The following CUL3 variants were observed in gnomAD, a reference collection of about 807,000 sequenced individuals.
The protein encoded by CUL3 is cullin-3.
CUL3 carries 19 observed loss-of-function variants against 89.1 expected under a neutral mutation model. That is an observed-to-expected ratio of 0.21 (90% CI 0.15 to 0.31). The LOEUF (loss-of-function observed/expected upper bound fraction) is 0.31. CUL3 is among the 10% of genes least tolerant of loss of function. The probability of loss-of-function intolerance (pLI) is 1.00; values close to 1 mark genes in which losing one functional copy is unlikely to be tolerated. For missense variants in CUL3, 469 were observed against 942.3 expected (o/e 0.50, Z 6.58); for synonymous variants, 351 against 308.4 (o/e 1.14, Z -1.45).
At chr2:224,547,523 G>GT (rs906363555) in intron 2 of CUL3, among the ~76,000 whole-genome samples, 1 of 152,008 alleles carries the variant, frequency 6.6e-6, no homozygotes, top group Non-Finnish European at 1.5e-5. Context: ...CTCAGGCAAA[G>GT]TAACTCCCCC....
chr2:224,481,535 C>T (rs112821960), intron 14 of CUL3, among the ~76,000 whole-genome samples: 2 of 152,054 alleles, frequency 1.3e-5, no homozygotes, highest in African/African-American at 4.8e-5. Context: ...TATAGGTCTC[C>T]CAATTCTGAA....
intron 13 of CUL3, among the ~76,000 whole-genome samples, chr2:224,492,220 T>C (rs1294026916): frequency 1.3e-5 from 2 of 152,200 alleles, no homozygotes; most frequent in Non-Finnish European, 2.9e-5. Context: ...GCTAATTGTG[T>C]TATTCAAATT....
chr2:224,496,790 T>C (rs1692185516), intron 12 of CUL3, among the ~76,000 whole-genome samples: 1 of 152,160 alleles, frequency 6.6e-6, no homozygotes. Context: ...TTTCTAATTC[T>C]TCAATAATTA....
At chr2:224,523,555 C>T (rs1199539234) in intron 3 of CUL3, among the ~76,000 whole-genome samples, 1 of 152,156 alleles carries the variant, frequency 6.6e-6, no homozygotes, top group Non-Finnish European at 1.5e-5. Flanking sequence ...TCCACTAATT[C>T]CACTTCTGGG....
At chr2:224,576,873 T>C (rs757847572) in intron 1 of CUL3, among the ~76,000 whole-genome samples, 2 of 152,248 alleles carry the variant, frequency 1.3e-5, no homozygotes, top group East Asian at 1.9e-4. Flanking sequence ...GAATCATATA[T>C]GAACTTCTGT....
At chr2:224,497,936 TTG>T (rs113318501) in intron 11 of CUL3, 87 bp from the exon 12 acceptor site, 13,955 of 877,022 alleles carry the variant, frequency 0.016, no homozygotes, top group South Asian at 0.022. Flanking sequence ...CCTTAAACAT[TTG>T]TGTGTGTGTG....
At chr2:224,583,197 G>C (rs902892306) in intron 1 of CUL3, among the ~76,000 whole-genome samples, 10 of 152,100 alleles carry the variant, frequency 6.6e-5, no homozygotes, top group African/African-American at 1.9e-4. Flanking sequence ...GACCAACATG[G>C]AGAAACCTCG....
intron 8 of CUL3, among the ~76,000 whole-genome samples, chr2:224,505,294 T>C (rs1489684352): frequency 3.3e-5 from 5 of 152,036 alleles, no homozygotes; most frequent in African/African-American, 1.2e-4. Flanking sequence ...TCCACCACCA[T>C]GCCCAGCTAA....
At position 224,507,424 on chromosome 2, in the gene CUL3, T is replaced by C. The variant is rs148756747; in HGVS notation, c.884-421A>G. ...AAAAGGGTCACTAATTAAGAGGTAA[T>C]TGGTAGTCCCTGTAATGAGGAAGAA... On this transcript the variant is annotated intron_variant, in intron 6 of 15. Transcript: ENST00000264414. 1.4e-3 allele frequency among the ~76,000 whole-genome samples: 219 copies of C among 152,270 alleles called. 1 individual carries two copies. Among genetic ancestry groups the C allele is most frequent in the African/African-American group, 5.0e-3 (208 of 41,580 alleles).
chr2:224,530,343 C>T (rs1693650112), intron 3 of CUL3, among the ~76,000 whole-genome samples: 1 of 152,014 alleles, frequency 6.6e-6, no homozygotes. Context: ...CTGCTCTGGG[C>T]CTAAGATCTG....
intron 13 of CUL3, among the ~76,000 whole-genome samples, chr2:224,484,016 C>G (rs1255683617): frequency 1.3e-5 from 2 of 152,232 alleles, no homozygotes; most frequent in East Asian, 3.9e-4. Context: ...ATAGCAAGAT[C>G]TGCTCTCTAC....
intron 8 of CUL3, among the ~76,000 whole-genome samples, chr2:224,504,792 G>A (rs1692528598): frequency 6.6e-6 from 1 of 152,082 alleles, no homozygotes; most frequent in Admixed American, 6.5e-5. Flanking sequence ...TTTTCCCTTT[G>A]GTGTCACAAA....
chr2:224,511,604 AT>A (rs748640894), intron 5 of CUL3, 22 bp from the exon 6 acceptor site: 39 of 1,345,778 alleles, frequency 2.9e-5, no homozygotes, highest in Admixed American at 1.6e-4. Flanking sequence ...AAATATATAT[AT>A]TTTTTAAACA....
chr2:224,505,498 C>T (rs369635010), intron 8 of CUL3, among the ~76,000 whole-genome samples: 32 of 152,236 alleles, frequency 2.1e-4, no homozygotes, highest in African/African-American at 6.5e-4. Flanking sequence ...TGCAGTCACG[C>T]GATCACAGCT....
chr2:224,571,225 TACAG>T (rs965048663), intron 1 of CUL3, among the ~76,000 whole-genome samples: 2 of 152,142 alleles, frequency 1.3e-5, no homozygotes, highest in Admixed American at 6.6e-5. Context: ...ACATTGTACT[TACAG>T]ACCCTCTATA....
rs148321588 is a variant in CUL3 at position 224,564,479 on chromosome 2, A to C, written c.67-6623T>G. On this transcript the variant is annotated intron_variant, in intron 1 of 15. Transcript: ENST00000264414. ...AGTACAGTACAAGATATTTTGAGAG[A>C]CCACATTCATGTTCTTTTATTACAA... Among the ~76,000 whole-genome samples the C allele has an allele frequency of 3.8e-3, 575 of 152,330 alleles. 2 individuals are homozygous for C. Among genetic ancestry groups the C allele is most frequent in the Middle Eastern group, 0.01 (3 of 294 alleles).
intron 2 of CUL3, among the ~76,000 whole-genome samples, chr2:224,547,761 A>G (rs1177344372): frequency 6.6e-6 from 1 of 152,060 alleles, no homozygotes; most frequent in Non-Finnish European, 1.5e-5. Context: ...CATTAATTTT[A>G]ATGTTTTCCA....
chr2:224,536,586 T>A (rs113855888), intron 2 of CUL3, among the ~76,000 whole-genome samples: 269 of 152,208 alleles, frequency 1.8e-3, no homozygotes, highest in Non-Finnish European at 3.0e-3. Flanking sequence ...TTATTTCATA[T>A]CCCTGCCCTC....
intron 3 of CUL3, among the ~76,000 whole-genome samples, chr2:224,516,225 T>C (rs374866833): frequency 5.9e-5 from 9 of 152,280 alleles, no homozygotes; most frequent in South Asian, 2.1e-4. Flanking sequence ...AAAATGCTTA[T>C]TGATGACTTT....
Sources: gnomAD v4.1 joint callset for allele counts (sites outside exome capture counted in the v4.1 genomes callset) on GRCh38, gnomAD v4.1.1 for gene constraint, MANE v1.5 for transcripts, NCBI Gene and HGNC (gene_info 2026-07-23, HGNC 2026-07-21) for gene names.